Variants in G3BP2 observed in about 807,000 individuals in gnomAD.
The protein encoded by G3BP2 is ras GTPase-activating protein-binding protein 2.
Under a neutral mutation model 56.7 loss-of-function variants are expected in G3BP2, and 11 were observed. That is an observed-to-expected ratio of 0.19 (90% CI 0.12 to 0.32). The LOEUF (loss-of-function observed/expected upper bound fraction) is 0.32. G3BP2 is among the 10% of genes least tolerant of loss of function. The pLI is 1.00. For missense variants in G3BP2, 340 were observed against 610.9 expected, an observed-to-expected ratio of 0.56 and a Z score of 4.67; for synonymous variants, 165 against 191.6, an observed-to-expected ratio of 0.86 and a Z score of 1.15.
chr4:75,714,107 C>T (rs1719848202), intron 3 of G3BP2, among the ~76,000 whole-genome samples: 1 of 152,100 alleles, frequency 6.6e-6, no homozygotes, highest in Non-Finnish European at 1.5e-5. Context: ...AAAACTTTTT[C>T]CCCAAAAAGG....
chr4:75,696,273 G>GT lies in G3BP2; in HGVS notation c.-25+24603dup, dbSNP rs527783538. Among the ~76,000 whole-genome samples, 531 of 152,314 alleles carry GT rather than the reference G, an allele frequency of 3.5e-3. 4 individuals carry two copies. The highest frequency in any genetic ancestry group is 0.012 in the African/African-American group (516 of 41,566). On this transcript the variant is annotated intron_variant, in intron 3 of 3. Coordinates refer to the G3BP2 transcript ENST00000499709. Reference sequence around the variant, plus strand: ...TATTTATGGTAGTGAGGTTTGAGCTGTGTTTGTTTGGGCTGTGCAGTTGCT... The same window carrying GT: ...TATTTATGGTAGTGAGGTTTGAGCTGTTGTTTGTTTGGGCTGTGCAGTTGCT...
chr4:75,648,176 T>C (rs1017223902), intron 9 of G3BP2, among the ~76,000 whole-genome samples: 1 of 151,942 alleles, frequency 6.6e-6, no homozygotes. Flanking sequence ...GGTGAAACCC[T>C]GTCTCTACTA....
chr4:75,676,536 T>C (rs1421151340), upstream of G3BP2, among the ~76,000 whole-genome samples: 7 of 152,054 alleles, frequency 4.6e-5, no homozygotes. Context: ...AGAGACGAGG[T>C]TTCACCATGT....
At position 75,645,134 on chromosome 4, in the gene G3BP2, AC is replaced by A. The variant is rs1578372091; in HGVS notation, c.*295del. 4 of 326,290 alleles carry A rather than the reference AC, an allele frequency of 1.2e-5. No homozygotes were observed. The highest frequency in any genetic ancestry group is 5.5e-6 in the Non-Finnish European group (1 of 180,592). 20.2% of individuals were successfully genotyped at this position (326,290 alleles called of 1,614,324 possible). ...AGAAGATTTTTTTTTTACTCAAAGG[AC>A]CTGAATTCAGTGGGCATGTCCTTTT... is the stretch of plus-strand genomic sequence containing the variant. On this transcript the variant is annotated 3_prime_UTR_variant, in exon 12 of 12. Transcript: ENST00000359707.
At position 75,686,401 on chromosome 4, in the gene G3BP2, T is replaced by C. The variant is rs528044436; in HGVS notation, c.-24-24352A>G. On this transcript the variant is annotated intron_variant, in intron 3 of 3. Coordinates refer to the G3BP2 transcript ENST00000499709. ...CAGGGTACAGTGAGAACAGAGGAAATGGGGAAATAATGTCAAACTACAGGT... is the reference window on the plus strand; with the variant it reads ...CAGGGTACAGTGAGAACAGAGGAAACGGGGAAATAATGTCAAACTACAGGT... Among the ~76,000 whole-genome samples, 21 of 151,966 alleles carry C rather than the reference T, an allele frequency of 1.4e-4. No individual in the cohort carries two copies. In the South Asian group the frequency reaches 4.2e-3, roughly 30 times the overall value.
chr4:75,682,653 G>A (rs142711433), intron 3 of G3BP2, among the ~76,000 whole-genome samples: 1 of 152,250 alleles, frequency 6.6e-6, no homozygotes, highest in East Asian at 1.9e-4. Context: ...TGGTAGTTGT[G>A]AAACTTCTCA....
chr4:75,707,958 G>C (rs1329425630), intron 3 of G3BP2, among the ~76,000 whole-genome samples: 1 of 152,096 alleles, frequency 6.6e-6, no homozygotes, highest in Non-Finnish European at 1.5e-5. Context: ...CATAAAATGA[G>C]ATTTATTTCA....
intron 3 of G3BP2, among the ~76,000 whole-genome samples, chr4:75,697,718 G>A (rs573342353): frequency 5.3e-5 from 8 of 152,310 alleles, no homozygotes; most frequent in Non-Finnish European, 8.8e-5. Flanking sequence ...CTGATCACTT[G>A]AGGTCAGGAG....
chr4:75,660,924 G>A (rs1406538431), intron 2 of G3BP2, among the ~76,000 whole-genome samples: 1 of 152,086 alleles, frequency 6.6e-6, no homozygotes, highest in African/African-American at 2.4e-5. Flanking sequence ...CAAGCCTACA[G>A]ATGTCCACTT....
chr4:75,706,049 A>G (rs1181240577), intron 3 of G3BP2, among the ~76,000 whole-genome samples: 1 of 152,168 alleles, frequency 6.6e-6, no homozygotes, highest in Non-Finnish European at 1.5e-5. Context: ...TCCTATTGTT[A>G]CCAGAAAGGA....
At chr4:75,673,648 A>G (rs926267040), upstream of G3BP2, 1 of 1,229,430 alleles carries the variant, frequency 8.1e-7, no homozygotes, top group Non-Finnish European at 1.0e-6. Context: ...ATTTGACGTC[A>G]CAAGCAGGCT....
At chr4:75,710,114 G>A (rs1719700949) in intron 3 of G3BP2, among the ~76,000 whole-genome samples, 1 of 152,232 alleles carries the variant, frequency 6.6e-6, no homozygotes, top group Non-Finnish European at 1.5e-5. Flanking sequence ...ATGACAAGGT[G>A]TGGGATGTGT....
intron 3 of G3BP2, among the ~76,000 whole-genome samples, chr4:75,719,741 C>T (rs1348435687): frequency 6.6e-6 from 1 of 151,982 alleles, no homozygotes; most frequent in South Asian, 2.1e-4. Context: ...AGGCATGCAC[C>T]ACCACGCTCG....
chr4:75,683,432 C>T lies in G3BP2; in HGVS notation c.-24-21383G>A, dbSNP rs151135846. ...TATAAAAATTAGCTGGGCGTGGTGG[C>T]GTGTACCTGTAATCCCAGCTACTCG... On this transcript the variant is annotated intron_variant, in intron 3 of 3. Coordinates refer to the G3BP2 transcript ENST00000499709. Among the ~76,000 whole-genome samples, 1,375 of 151,980 alleles carry T rather than the reference C, an allele frequency of 9.0e-3. 21 individuals are homozygous for T. Among genetic ancestry groups the T allele is most frequent in the African/African-American group, 0.032 (1,324 of 41,424 alleles).
At chr4:75,678,897 G>A (rs955564293) in intron 3 of G3BP2, among the ~76,000 whole-genome samples, 2 of 152,162 alleles carry the variant, frequency 1.3e-5, no homozygotes, top group African/African-American at 4.8e-5. Flanking sequence ...ATAAACATCG[G>A]CACTTAATGT....
At chr4:75,714,413 G>A (rs1330282117) in intron 3 of G3BP2, among the ~76,000 whole-genome samples, 1 of 152,192 alleles carries the variant, frequency 6.6e-6, no homozygotes, top group African/African-American at 2.4e-5. Context: ...GATCACGTGA[G>A]GTCAGGAGTT....
At chr4:75,722,042 T>C (rs1369701634) in intron 2 of G3BP2, among the ~76,000 whole-genome samples, 2 of 152,094 alleles carry the variant, frequency 1.3e-5, no homozygotes, top group African/African-American at 4.8e-5. Flanking sequence ...GGAATTATAC[T>C]AGATGATTAA....
chr4:75,688,144 G>T (rs528574661), intron 3 of G3BP2, among the ~76,000 whole-genome samples: 1 of 151,476 alleles, frequency 6.6e-6, no homozygotes, highest in Non-Finnish European at 1.5e-5. Flanking sequence ...CTCTTCTTTG[G>T]CTTCTTGAAC....
intron 2 of G3BP2, 181 bp downstream of exon 2, chr4:75,661,750 A>ATTAC (rs1283651492): frequency 3.6e-6 from 2 of 556,740 alleles, no homozygotes; most frequent in African/African-American, 1.9e-5. Flanking sequence ...AAATGTTTTT[A>ATTAC]TTACTGTGAG....
Sources: allele counts gnomAD v4.1 joint callset (sites outside exome capture counted in the v4.1 genomes callset), GRCh38; gene constraint gnomAD v4.1.1; transcripts MANE v1.5; gene names NCBI Gene and HGNC (gene_info 2026-07-23, HGNC 2026-07-21).